EFNA5: variants seen among roughly 807,000 people sequenced by gnomAD.
EFNA5 encodes ephrin-A5.
Under a neutral mutation model 22.9 loss-of-function variants are expected in EFNA5, and 5 were observed. The observed-to-expected ratio is 0.22, with a 90% confidence interval of 0.11 to 0.46. EFNA5 has a LOEUF of 0.46. EFNA5 is among the 20% of genes least tolerant of loss of function. The pLI is 0.99. For synonymous variants in EFNA5, 113 were observed against 112.2 expected, an observed-to-expected ratio of 1.01 and a Z score of -0.04; for missense variants, 237 against 293.3, an observed-to-expected ratio of 0.81 and a Z score of 1.40.
At chr5:107,518,810 C>T (rs947289177) in intron 1 of EFNA5, among the ~76,000 whole-genome samples, 1 of 152,172 alleles carries the variant, frequency 6.6e-6, no homozygotes, top group Admixed American at 6.5e-5. Context: ...AGCTTTGAAT[C>T]ACAAAGCCAC....
Position 107,465,888 on chromosome 5 carries a change from C to T in EFNA5, c.126-38379G>A, listed in dbSNP as rs541259390. Among the ~76,000 whole-genome samples, 330 of 152,210 alleles carry T rather than the reference C, an allele frequency of 2.2e-3. 1 individual carries two copies. Among genetic ancestry groups the T allele is most frequent in the African/African-American group, 6.1e-3 (255 of 41,538 alleles). ...GAAAAAGGGAATGAACTCAGGTTCA[C>T]GGCTACTGGTACCAGACATGTGCGG... On this transcript the variant is annotated intron_variant, in intron 1 of 4. Transcript: ENST00000333274.
At chr5:107,424,688 C>T (rs1258042438) in intron 2 of EFNA5, among the ~76,000 whole-genome samples, 1 of 152,076 alleles carries the variant, frequency 6.6e-6, no homozygotes, top group Non-Finnish European at 1.5e-5. Context: ...ATAGCTATTT[C>T]CCAATCATCT....
chr5:107,597,591 G>C (rs1009219929), intron 1 of EFNA5, among the ~76,000 whole-genome samples: 11 of 151,788 alleles, frequency 7.2e-5, no homozygotes, highest in Non-Finnish European at 1.5e-4. Context: ...CTAGAGAAAG[G>C]GGGGAGAGAA....
chr5:107,469,767 C>T (rs780412118), intron 1 of EFNA5, among the ~76,000 whole-genome samples: 21 of 151,968 alleles, frequency 1.4e-4, no homozygotes, highest in Non-Finnish European at 2.2e-4. Context: ...AGGAAGTAGA[C>T]GTATAATACC....
At chr5:107,625,797 A>G (rs1309775818) in intron 1 of EFNA5, among the ~76,000 whole-genome samples, 5 of 152,194 alleles carry the variant, frequency 3.3e-5, no homozygotes, top group Non-Finnish European at 7.4e-5. Flanking sequence ...CCTAAATTAA[A>G]TTAGTCTTAT....
intron 1 of EFNA5, among the ~76,000 whole-genome samples, chr5:107,521,619 C>T (rs1747601957): frequency 6.6e-6 from 1 of 151,702 alleles, no homozygotes; most frequent in Admixed American, 6.6e-5. Context: ...GTTGTCTACC[C>T]TAGTGATTGC....
At chr5:107,406,363 T>C (rs184991826) in intron 2 of EFNA5, among the ~76,000 whole-genome samples, 1 of 152,008 alleles carries the variant, frequency 6.6e-6, no homozygotes. Flanking sequence ...GTTCAACCTA[T>C]TTGAGCCATG....
intron 1 of EFNA5, among the ~76,000 whole-genome samples, chr5:107,645,401 T>A (rs1750611448): frequency 6.6e-6 from 1 of 152,218 alleles, no homozygotes; most frequent in Non-Finnish European, 1.5e-5. Context: ...ATAATTTGTT[T>A]AAAAGTCCTT....
In EFNA5 at chr5:107,380,031, T is replaced by A. The variant is rs544538613; in HGVS notation, c.*1224A>T. 1.3e-5 allele frequency: 2 copies of A among 150,706 alleles called. No homozygotes were observed. Among genetic ancestry groups the A allele is most frequent in the African/African-American group, 5.0e-5 (2 of 40,072 alleles). The allele number at this position is 150,706 out of a possible 1,614,324, so 9.3% of individuals were successfully genotyped here. A position where few individuals can be genotyped will look rare whatever the true frequency, so the allele number is the denominator to read the frequency against. Reference sequence around the variant, plus strand: ...AAAGAATATAAAATCAACACTTGAATTTTTTTACTCCAAACTTTGGAATTT... The same window carrying A: ...AAAGAATATAAAATCAACACTTGAAATTTTTTACTCCAAACTTTGGAATTT... On this transcript the variant is annotated 3_prime_UTR_variant, in exon 5 of 5. Transcript: ENST00000333274.
At chr5:107,465,641 C>T (rs1393801862) in intron 1 of EFNA5, among the ~76,000 whole-genome samples, 1 of 152,106 alleles carries the variant, frequency 6.6e-6, no homozygotes, top group East Asian at 1.9e-4. Flanking sequence ...GTTTTATTCT[C>T]ATGCAAATCC....
intron 1 of EFNA5, among the ~76,000 whole-genome samples, chr5:107,454,859 G>A (rs1454745853): frequency 2.0e-5 from 3 of 152,054 alleles, no homozygotes; most frequent in African/African-American, 7.2e-5. Context: ...TTCCACTGTG[G>A]CTATGAGAGA....
At chr5:107,381,404 A>G (rs752187348) in intron 4 of EFNA5, 28 bp from the exon 5 acceptor site, 18 of 1,587,148 alleles carry the variant, frequency 1.1e-5, no homozygotes, top group Non-Finnish European at 1.4e-5. Flanking sequence ...ACACATTCCA[A>G]TGAGATTTCA....
chr5:107,508,374 T>G (rs1747295087), intron 1 of EFNA5, among the ~76,000 whole-genome samples: 2 of 152,200 alleles, frequency 1.3e-5, no homozygotes, highest in Admixed American at 1.3e-4. Context: ...TCTGGATAAT[T>G]ATTCACACAG....
At chr5:107,519,600 C>A (rs1247764456) in intron 1 of EFNA5, among the ~76,000 whole-genome samples, 1 of 152,006 alleles carries the variant, frequency 6.6e-6, no homozygotes, top group African/African-American at 2.4e-5. Context: ...GAGTGTCTTC[C>A]AAAATAAAAC....
At chr5:107,483,838 G>C (rs1364440328) in intron 1 of EFNA5, among the ~76,000 whole-genome samples, 1 of 152,156 alleles carries the variant, frequency 6.6e-6, no homozygotes, top group African/African-American at 2.4e-5. Context: ...TAGTGTTGAA[G>C]TAATTATTAT....
intron 1 of EFNA5, among the ~76,000 whole-genome samples, chr5:107,625,968 T>C (rs17160272): frequency 3.9e-5 from 6 of 152,008 alleles, no homozygotes; most frequent in East Asian, 1.9e-4. Flanking sequence ...TACAGACACA[T>C]TGAAAGCCAA....
At chr5:107,640,135 C>T (rs944437955) in intron 1 of EFNA5, among the ~76,000 whole-genome samples, 4 of 152,122 alleles carry the variant, frequency 2.6e-5, no homozygotes, top group Admixed American at 6.6e-5. Flanking sequence ...AGACTTAACG[C>T]CATTTTTTAA....
chr5:107,624,180 G>T (rs1053681779), intron 1 of EFNA5, among the ~76,000 whole-genome samples: 1 of 152,000 alleles, frequency 6.6e-6, no homozygotes, highest in African/African-American at 2.4e-5. Flanking sequence ...TAATTAAAAG[G>T]TAATATTAAC....
At chr5:107,608,522 A>T (rs1749765397) in intron 1 of EFNA5, among the ~76,000 whole-genome samples, 1 of 152,220 alleles carries the variant, frequency 6.6e-6, no homozygotes, top group Non-Finnish European at 1.5e-5. Context: ...ATCTCAGCTG[A>T]ATATGTTCTT....
Sources: gnomAD v4.1 joint callset for allele counts (sites outside exome capture counted in the v4.1 genomes callset) on GRCh38, gnomAD v4.1.1 for gene constraint, MANE v1.5 for transcripts, NCBI Gene and HGNC (gene_info 2026-07-23, HGNC 2026-07-21) for gene names.